CTNNA3: variants seen among roughly 807,000 people sequenced by gnomAD.
CTNNA3 encodes the protein catenin alpha-3.
CTNNA3 carries 76 observed loss-of-function variants against 95.7 expected under a neutral mutation model. The observed-to-expected ratio is 0.79, with a 90% CI of 0.66 to 0.96. The LOEUF (loss-of-function observed/expected upper bound fraction) is 0.96. CTNNA3 is among the 40% of genes least tolerant of loss of function. The pLI is 0.00. For missense variants in CTNNA3, 1,191 were observed against 1,089.8 expected (o/e 1.09, Z -1.31); for synonymous variants, 431 against 374.4 (o/e 1.15, Z -1.74).
At chr10:67,497,755 C>A (rs550622036) in intron 5 of CTNNA3, among the ~76,000 whole-genome samples, 1 of 152,248 alleles carries the variant, frequency 6.6e-6, no homozygotes, top group Admixed American at 6.5e-5. Flanking sequence ...CTGTTCATAT[C>A]CTTCACCCAC....
chr10:67,391,131 C>T (rs949141761), intron 5 of CTNNA3, among the ~76,000 whole-genome samples: 53 of 151,852 alleles, frequency 3.5e-4, no homozygotes, highest in Admixed American at 1.4e-3. Context: ...TGTTTGCAGA[C>T]GACATGATTG....
intron 13 of CTNNA3, among the ~76,000 whole-genome samples, chr10:66,207,973 G>C (rs2087872937): frequency 6.6e-6 from 1 of 152,024 alleles, no homozygotes; most frequent in African/African-American, 2.4e-5. Flanking sequence ...ATTTGTACTT[G>C]CCACCACAAT....
At chr10:67,758,315 A>AAT (rs558989789) in intron 1 of CTNNA3, among the ~76,000 whole-genome samples, 11,732 of 124,380 alleles carry the variant, frequency 0.094, 765 homozygotes, top group East Asian at 0.25. Context: ...CATATATATA[A>AAT]ATATATATAC....
chr10:66,054,429 G>C (rs1168055975), intron 15 of CTNNA3, among the ~76,000 whole-genome samples: 1 of 152,148 alleles, frequency 6.6e-6, no homozygotes, highest in East Asian at 1.9e-4. Context: ...TTTAACTGGG[G>C]TGAGGTGACC....
At chr10:66,809,161 T>G (rs1009986430) in intron 7 of CTNNA3, among the ~76,000 whole-genome samples, 1 of 152,204 alleles carries the variant, frequency 6.6e-6, no homozygotes, top group Non-Finnish European at 1.5e-5. Flanking sequence ...ATATGAACTT[T>G]AAAATTGTTG....
chr10:67,571,216 A>G (rs1166047553), intron 3 of CTNNA3, among the ~76,000 whole-genome samples: 2 of 152,174 alleles, frequency 1.3e-5, no homozygotes, highest in Non-Finnish European at 2.9e-5. Flanking sequence ...AGAAAGAAAA[A>G]ATGATTTGCC....
At chr10:67,498,776 A>G (rs1839127956) in intron 5 of CTNNA3, among the ~76,000 whole-genome samples, 1 of 152,116 alleles carries the variant, frequency 6.6e-6, no homozygotes, top group Non-Finnish European at 1.5e-5. Flanking sequence ...ATTTTTGCGC[A>G]TTGATTTTGT....
intron 7 of CTNNA3, among the ~76,000 whole-genome samples, chr10:66,978,345 G>A (rs1360066540): frequency 6.6e-6 from 1 of 151,194 alleles, no homozygotes; most frequent in Non-Finnish European, 1.5e-5. Context: ...GGCCAACATG[G>A]CAAAACCCTG....
chr10:67,112,658 C>T (rs1212118157), intron 7 of CTNNA3, among the ~76,000 whole-genome samples: 2 of 150,600 alleles, frequency 1.3e-5, no homozygotes, highest in African/African-American at 4.9e-5. Context: ...CAGAGAGGAA[C>T]ATTTCCCTTG....
chr10:67,637,009 A>T (rs998300918), intron 2 of CTNNA3, among the ~76,000 whole-genome samples: 6 of 152,220 alleles, frequency 3.9e-5, no homozygotes, highest in Admixed American at 3.9e-4. Flanking sequence ...ACAAAGCTGC[A>T]TGGAGAATGA....
At chr10:66,334,239 A>G (rs1006572648) in intron 12 of CTNNA3, among the ~76,000 whole-genome samples, 6 of 151,816 alleles carry the variant, frequency 4.0e-5, no homozygotes, top group African/African-American at 1.5e-4. Flanking sequence ...TTAAGGTTAA[A>G]ATTGTTATGT....
intron 4 of CTNNA3, among the ~76,000 whole-genome samples, chr10:67,526,308 A>G (rs1840142305): frequency 6.6e-6 from 1 of 151,962 alleles, no homozygotes; most frequent in South Asian, 2.1e-4. Context: ...GAAGTTTACA[A>G]CTGAAGCAGA....
At chr10:67,751,355 G>A (rs1841406222) in intron 1 of CTNNA3, 3 of 641,228 alleles carry the variant, frequency 4.7e-6, no homozygotes, top group Non-Finnish European at 8.6e-6. Flanking sequence ...CCTGTTGCAG[G>A]CCAGAATCAA....
At chr10:66,597,533 TATATATATATATATATATA>T (rs1843756649) in intron 10 of CTNNA3, among the ~76,000 whole-genome samples, 1 of 136,188 alleles carries the variant, frequency 7.3e-6, no homozygotes, top group African/African-American at 2.6e-5. Context: ...TATATATATA[TATATATATATATATATATA>T]TATTTATTAA....
intron 12 of CTNNA3, among the ~76,000 whole-genome samples, chr10:66,366,046 T>C (rs2092709075): frequency 6.6e-6 from 1 of 152,072 alleles, no homozygotes; most frequent in Non-Finnish European, 1.5e-5. Flanking sequence ...AGACAGTAAA[T>C]GTTTGTTGTC....
At chr10:67,185,263 G>A in intron 6 of CTNNA3, among the ~76,000 whole-genome samples, 1 of 151,924 alleles carries the variant, frequency 6.6e-6, no homozygotes, top group East Asian at 1.9e-4. Context: ...AAGTAGCTGG[G>A]ACTACAGGTA....
At chr10:66,211,720 T>TAAGA (rs773918069) in intron 13 of CTNNA3, among the ~76,000 whole-genome samples, 2 of 152,176 alleles carry the variant, frequency 1.3e-5, no homozygotes, top group Non-Finnish European at 2.9e-5. Context: ...CATGCCCGGA[T>TAAGA]AAGAGTTCCT....
intron 9 of CTNNA3, among the ~76,000 whole-genome samples, chr10:66,630,911 G>GGGAAA (rs1345576333): frequency 6.6e-6 from 1 of 152,100 alleles, no homozygotes; most frequent in African/African-American, 2.4e-5. Context: ...GGAACTGTCA[G>GGGAAA]GGAAATGATA....
intron 1 of CTNNA3, among the ~76,000 whole-genome samples, chr10:67,690,729 G>A (rs1460387203): frequency 6.6e-6 from 1 of 152,192 alleles, no homozygotes. Context: ...CCTCTCAAGA[G>A]GAGATAAATG....
Sources: gnomAD v4.1 joint callset for allele counts (sites outside exome capture counted in the v4.1 genomes callset) on GRCh38, gnomAD v4.1.1 for gene constraint, MANE v1.5 for transcripts, NCBI Gene and HGNC (gene_info 2026-07-23, HGNC 2026-07-21) for gene names.